The following ASIC2 variants were observed in gnomAD, a reference collection of about 807,000 sequenced individuals.
The protein encoded by ASIC2 is acid sensing ion channel subunit 2.
A neutral mutation model predicts 57.3 loss-of-function variants in ASIC2; 25 were observed. That is an observed-to-expected ratio of 0.44 (90% CI 0.32 to 0.61). The LOEUF is 0.61. Ranked by LOEUF, ASIC2 falls within the 20% of genes least tolerant of loss-of-function variation. The pLI, the probability that ASIC2 is intolerant of heterozygous loss-of-function variation, is 0.06. For synonymous variants in ASIC2, 319 were observed against 307.5 expected, an observed-to-expected ratio of 1.04 and a Z score of -0.39; for missense variants, 641 against 738.1, an observed-to-expected ratio of 0.87 and a Z score of 1.52.
chr17:33,645,168 A>C (rs1385918670), intron 1 of ASIC2, among the ~76,000 whole-genome samples: 1 of 152,196 alleles, frequency 6.6e-6, no homozygotes, highest in African/African-American at 2.4e-5. Flanking sequence ...CAGAGAGGTG[A>C]GCTCCATGAG....
intron 1 of ASIC2, among the ~76,000 whole-genome samples, chr17:33,183,498 GC>G (rs2142060999): frequency 6.6e-6 from 1 of 152,238 alleles, no homozygotes; most frequent in Admixed American, 6.5e-5. Flanking sequence ...TAATTTGAGA[GC>G]CCTAAAGTTT....
At chr17:33,907,674 T>C (rs1056920378) in intron 1 of ASIC2, among the ~76,000 whole-genome samples, 1 of 152,164 alleles carries the variant, frequency 6.6e-6, no homozygotes, top group African/African-American at 2.4e-5. Flanking sequence ...AAGTTGTACA[T>C]CTTGAAGGCA....
chr17:34,036,405 G>C (rs1435058316), intron 1 of ASIC2, among the ~76,000 whole-genome samples: 1 of 149,876 alleles, frequency 6.7e-6, no homozygotes, highest in East Asian at 2.0e-4. Flanking sequence ...ATAGCATTAG[G>C]AGATATACCT....
intron 1 of ASIC2, among the ~76,000 whole-genome samples, chr17:34,057,779 A>T (rs759698335): frequency 2.6e-5 from 4 of 152,208 alleles, no homozygotes; most frequent in Non-Finnish European, 5.9e-5. Flanking sequence ...GAGAGAGTGC[A>T]TGTAGCTGAA....
intron 2 of ASIC2, among the ~76,000 whole-genome samples, chr17:33,091,027 T>C (rs2092155546): frequency 6.6e-6 from 1 of 152,196 alleles, no homozygotes; most frequent in Non-Finnish European, 1.5e-5. Context: ...CTCCTATCCA[T>C]ATGCTCCTGG....
chr17:33,397,511 CAA>C (rs1910122473), intron 1 of ASIC2, among the ~76,000 whole-genome samples: 1 of 152,110 alleles, frequency 6.6e-6, no homozygotes, highest in Non-Finnish European at 1.5e-5. Context: ...GGTCTGAAGA[CAA>C]GAGATTGGTG....
chr17:33,472,241 A>T (rs1913079127), intron 1 of ASIC2, among the ~76,000 whole-genome samples: 1 of 151,980 alleles, frequency 6.6e-6, no homozygotes, highest in Admixed American at 6.6e-5. Flanking sequence ...TCTGGTCTCG[A>T]ACTCCTGACC....
At chr17:33,252,799 G>A (rs1197108280) in intron 1 of ASIC2, among the ~76,000 whole-genome samples, 1 of 151,996 alleles carries the variant, frequency 6.6e-6, no homozygotes, top group Non-Finnish European at 1.5e-5. Context: ...CCTCATCCAA[G>A]AACTTGGCTT....
intron 1 of ASIC2, among the ~76,000 whole-genome samples, chr17:33,689,676 G>GA (rs1324307219): frequency 4.0e-5 from 6 of 151,760 alleles, no homozygotes; most frequent in East Asian, 1.9e-4. Flanking sequence ...ACCTTATTTG[G>GA]AAAAAAAAGT....
intron 1 of ASIC2, among the ~76,000 whole-genome samples, chr17:33,929,130 C>G (rs1915880456): frequency 6.6e-6 from 1 of 152,154 alleles, no homozygotes; most frequent in Non-Finnish European, 1.5e-5. Flanking sequence ...TCTGCCTCCC[C>G]TCAGACCCCC....
rs1904517601 is a variant in ASIC2, at chr17:34,151,312, C to T, written c.555+4666G>A. Among the ~76,000 whole-genome samples, 3 of 152,116 alleles carry T rather than the reference C, an allele frequency of 2.0e-5. No individual in the cohort carries two copies. In the South Asian group the frequency reaches 6.2e-4, roughly 32 times the overall value. ...CTGCATTCTTGCACTCAGCTATCAC[C>T]TCATCTGGAGGGGGTGGGAAATGGG... On this transcript the variant is annotated intron_variant, in intron 1 of 9. Coordinates refer to the ASIC2 transcript ENST00000359872.
chr17:33,946,883 G>T (rs1467047910), intron 1 of ASIC2, among the ~76,000 whole-genome samples: 1 of 152,200 alleles, frequency 6.6e-6, no homozygotes, highest in Non-Finnish European at 1.5e-5. Flanking sequence ...CCAGAAGGAT[G>T]CAGGAGGATG....
intron 1 of ASIC2, among the ~76,000 whole-genome samples, chr17:33,545,647 C>T (rs1915554323): frequency 6.6e-6 from 1 of 152,116 alleles, no homozygotes; most frequent in Non-Finnish European, 1.5e-5. Flanking sequence ...TTTACCATAG[C>T]TATTGCAAAA....
At chr17:33,973,820 G>A (rs1221362741) in intron 1 of ASIC2, among the ~76,000 whole-genome samples, 1 of 152,116 alleles carries the variant, frequency 6.6e-6, no homozygotes, top group African/African-American at 2.4e-5. Context: ...TCCTTGGGGT[G>A]TTTCCTGTGG....
intron 1 of ASIC2, among the ~76,000 whole-genome samples, chr17:33,736,031 T>A (rs962588544): frequency 6.6e-6 from 1 of 152,062 alleles, no homozygotes; most frequent in Non-Finnish European, 1.5e-5. Flanking sequence ...CACTTTGAAG[T>A]GTGTTGTCCA....
At chr17:33,979,680 G>C (rs1254162976) in intron 1 of ASIC2, among the ~76,000 whole-genome samples, 1 of 152,160 alleles carries the variant, frequency 6.6e-6, no homozygotes, top group African/African-American at 2.4e-5. Flanking sequence ...ATTCTGCAGA[G>C]CTAGAGTGAA....
chr17:33,879,241 A>G (rs564593014), intron 1 of ASIC2, among the ~76,000 whole-genome samples: 194 of 152,346 alleles, frequency 1.3e-3, no homozygotes, highest in African/African-American at 4.2e-3. Context: ...TGACAGGATC[A>G]AATTCACACA....
At chr17:34,037,816 C>A (rs1286156027) in intron 1 of ASIC2, 1 of 1,614,138 alleles carries the variant, frequency 6.2e-7, no homozygotes, top group East Asian at 2.2e-5. Context: ...GTGTTACTAC[C>A]GGCTTTGGCG....
intron 1 of ASIC2, among the ~76,000 whole-genome samples, chr17:33,486,248 G>C (rs1913571683): frequency 1.3e-5 from 2 of 152,164 alleles, no homozygotes; most frequent in South Asian, 4.2e-4. Flanking sequence ...GCCTAGATTA[G>C]CTCTATGTTG....
Sources: gnomAD v4.1 joint callset for allele counts (sites outside exome capture counted in the v4.1 genomes callset) on GRCh38, gnomAD v4.1.1 for gene constraint, MANE v1.5 for transcripts, NCBI Gene and HGNC (gene_info 2026-07-23, HGNC 2026-07-21) for gene names.